EFCAB7: variants seen among roughly 807,000 people sequenced by gnomAD.
EFCAB7 encodes the protein EF-hand calcium-binding domain-containing protein 7.
In EFCAB7, 66 loss-of-function variants were observed where a neutral mutation model predicts 77.1. That is an observed-to-expected ratio of 0.86 (90% CI 0.70 to 1.05). The LOEUF (loss-of-function observed/expected upper bound fraction) is 1.05. Among genes scored for constraint, EFCAB7 ranks in the 50% least tolerant of loss-of-function variants. The pLI is 0.00. For missense variants in EFCAB7, 638 were observed against 730.5 expected (o/e 0.87, Z 1.46); for synonymous variants, 225 against 243.3 (o/e 0.92, Z 0.70).
chr1:63,563,735 GT>G (rs1488159746), intron 11 of EFCAB7, among the ~76,000 whole-genome samples: 1 of 151,918 alleles, frequency 6.6e-6, no homozygotes, highest in Non-Finnish European at 1.5e-5. Context: ...TTTCTTTATT[GT>G]TTCTTATTAA....
intron 6 of EFCAB7, among the ~76,000 whole-genome samples, chr1:63,542,319 A>G (rs1646838460): frequency 1.3e-5 from 2 of 152,180 alleles, no homozygotes; most frequent in African/African-American, 4.8e-5. Flanking sequence ...ATTCCCTTGT[A>G]TGTATTTACC....
chr1:63,544,964 G>C (rs1280128849), intron 6 of EFCAB7, among the ~76,000 whole-genome samples: 1 of 148,164 alleles, frequency 6.7e-6, no homozygotes, highest in East Asian at 2.0e-4. Flanking sequence ...TGTTGCCCAG[G>C]CTAGAGTGCA....
At position 63,572,565 on chromosome 1, in the gene EFCAB7, C is replaced by A. The variant is rs776401418; in HGVS notation, c.*49C>A. 4 of 1,323,644 alleles carry A rather than the reference C, an allele frequency of 3.0e-6. No homozygotes were observed. In the South Asian group the frequency reaches 4.7e-5, roughly 16 times the overall value. 82.0% of individuals were successfully genotyped at this position (1,323,644 alleles called of 1,614,324 possible). A position where few individuals can be genotyped will look rare whatever the true frequency, so the allele number is the denominator to read the frequency against. Reference sequence around the variant, plus strand: ...AACTAAGAATTATTTCAGATTTAGTCTGTTATTTATTAAACAACTAAATGC... The same window carrying A: ...AACTAAGAATTATTTCAGATTTAGTATGTTATTTATTAAACAACTAAATGC... On this transcript the variant is annotated 3_prime_UTR_variant, in exon 14 of 14. Transcript: ENST00000371088.
At chr1:63,549,172 C>T in intron 7 of EFCAB7, 2 of 296,592 alleles carry the variant, frequency 6.7e-6, no homozygotes, top group South Asian at 6.5e-5. Context: ...GGAGAACAGC[C>T]TCACTTCTTT....
At position 63,546,011 on chromosome 1, in the gene EFCAB7, C is replaced by G. The variant is rs762096166; in HGVS notation, c.900C>G (p.Ser300=). ...ACAGGATGCAAATAGCTCAGAGGTC[C>G]ATGGTTTATCTAACAATTAAGCCAT... ...HQYRMQIAQR[S]MVYLTIKPLN... The change falls in exon 7 of 14, where the codon TCC becomes TCG. Residue 300 remains serine, a synonymous_variant. Transcript: ENST00000371088. 1 of 1,613,568 alleles carries G rather than the reference C, an allele frequency of 6.2e-7. No individual in the cohort carries two copies. The highest frequency in any genetic ancestry group is 2.2e-5 in the East Asian group (1 of 44,822).
chr1:63,560,039 T>A (rs1339829490), intron 10 of EFCAB7, among the ~76,000 whole-genome samples: 2 of 152,096 alleles, frequency 1.3e-5, no homozygotes, highest in Non-Finnish European at 2.9e-5. Flanking sequence ...CACTGCAAGC[T>A]TCACCTCCCG....
At position 63,532,731 on chromosome 1, in the gene EFCAB7, C is replaced by T. The variant is rs753098176; in HGVS notation, c.461C>T (p.Ala154Val). The change falls in exon 4 of 14, where the codon GCT (alanine) becomes GTT (valine). Residue 154 changes from alanine to valine, a missense_variant. Coordinates refer to ENST00000371088, the MANE Select transcript of EFCAB7 (RefSeq NM_032437.4). ...ATAATAAATTTGGCTGATGTAAATGCTGATGGCAAATTTGACTACATCAAG... is the reference window on the plus strand; with the variant it reads ...ATAATAAATTTGGCTGATGTAAATGTTGATGGCAAATTTGACTACATCAAG... ...NAIINLADVN[A>V]DGKFDYIKFC... is the part of the protein sequence containing the mutation. 5 of 1,605,820 alleles carry T rather than the reference C, an allele frequency of 3.1e-6. No individual in the cohort carries two copies. In the Admixed American group the frequency reaches 8.6e-5, roughly 27 times the overall value.
intron 11 of EFCAB7, among the ~76,000 whole-genome samples, chr1:63,566,889 ATTTAT>A (rs1212327834): frequency 1.3e-5 from 2 of 149,212 alleles, no homozygotes; most frequent in African/African-American, 4.9e-5. Flanking sequence ...TTTTATATTT[ATTTAT>A]TTTATATTAT....
At chr1:63,558,760 T>C (rs1238413120) in intron 10 of EFCAB7, among the ~76,000 whole-genome samples, 1 of 151,830 alleles carries the variant, frequency 6.6e-6, no homozygotes, top group Non-Finnish European at 1.5e-5. Context: ...TTATTTTGTT[T>C]ATTTATTTAT....
Position 63,557,152 on chromosome 1 carries a change from A to G in EFCAB7, c.1253A>G (p.Asp418Gly), listed in dbSNP as rs763951473. The G allele has an allele frequency of 3.7e-6, 6 of 1,600,712 alleles. No individual in the cohort carries two copies. The highest frequency in any genetic ancestry group is 4.5e-5 in the East Asian group (2 of 44,640). The change falls in exon 10 of 14, where the codon GAT becomes GGT. Residue 418 changes from aspartate to glycine, a missense_variant. Coordinates refer to ENST00000371088, the MANE Select transcript of EFCAB7 (RefSeq NM_032437.4). ...GATATATTTGAAGTAATTGATTTAGATGGAAATGGTCTTCTTAGCCTTGAA... is the reference window on the plus strand; with the variant it reads ...GATATATTTGAAGTAATTGATTTAGGTGGAAATGGTCTTCTTAGCCTTGAA... ...LSDIFEVIDL[D>G]GNGLLSLEEY... is the part of the protein sequence containing the mutation.
rs761500721 is a variant in EFCAB7, at chr1:63,562,345, TATC to T, written c.1497+494_1497+496del. Among the ~76,000 whole-genome samples, 8 of 150,544 alleles carry T rather than the reference TATC, an allele frequency of 5.3e-5. No individual in the cohort carries two copies. The East Asian group carries it at 7.8e-4, about 15-fold the overall frequency. On this transcript the variant is annotated intron_variant, in intron 11 of 13. Coordinates refer to ENST00000371088, the MANE Select transcript of EFCAB7 (RefSeq NM_032437.4). Reference sequence around the variant, plus strand: ...AAAGCATTGTGTATGTATCAGCTATTATCATCATTATTATCATTAACATGATAG... The same window carrying T: ...AAAGCATTGTGTATGTATCAGCTATTATCATTATTATCATTAACATGATAG...
chr1:63,545,116 A>C (rs1232796362), intron 6 of EFCAB7, among the ~76,000 whole-genome samples: 3 of 151,392 alleles, frequency 2.0e-5, no homozygotes, highest in Non-Finnish European at 2.9e-5. Flanking sequence ...ACAGGGTTTC[A>C]CCATGTTGGC....
intron 6 of EFCAB7, 88 bp from the exon 7 acceptor site, chr1:63,545,828 T>A (rs1646891167): frequency 9.2e-7 from 1 of 1,081,850 alleles, no homozygotes; most frequent in Non-Finnish European, 1.4e-6. Flanking sequence ...ACATTTCTTT[T>A]ATATCCCCCT....
chr1:63,570,969 T>G, intron 12 of EFCAB7, 52 bp from the exon 13 acceptor site: 1 of 1,308,984 alleles, frequency 7.6e-7, no homozygotes, highest in Non-Finnish European at 1.1e-6. Flanking sequence ...CTTATATTTG[T>G]CTGTAATTAT....
At chr1:63,547,275 C>T (rs1646909984) in intron 7 of EFCAB7, 1 of 151,950 alleles carries the variant, frequency 6.6e-6, no homozygotes, top group Admixed American at 6.6e-5. Context: ...TTATCGAGGG[C>T]CTTATATACC....
downstream of EFCAB7, among the ~76,000 whole-genome samples, chr1:63,575,707 C>A (rs1180046562): frequency 6.6e-6 from 1 of 152,070 alleles, no homozygotes; most frequent in African/African-American, 2.4e-5. Context: ...TCTCAGCCTT[C>A]CGAGTAGCTG....
intron 6 of EFCAB7, among the ~76,000 whole-genome samples, chr1:63,543,784 G>T (rs1352019137): frequency 6.6e-6 from 1 of 151,916 alleles, no homozygotes; most frequent in Non-Finnish European, 1.5e-5. Flanking sequence ...TTAAAGCCTT[G>T]AACTTATTAT....
At chr1:63,550,883 T>C (rs981915509) in intron 7 of EFCAB7, among the ~76,000 whole-genome samples, 3 of 152,054 alleles carry the variant, frequency 2.0e-5, no homozygotes, top group Non-Finnish European at 4.4e-5. Flanking sequence ...CCTGAGCAAC[T>C]GGAAAGACTG....
At chr1:63,542,867 TG>T (rs1223571163) in intron 6 of EFCAB7, among the ~76,000 whole-genome samples, 1 of 152,226 alleles carries the variant, frequency 6.6e-6, no homozygotes, top group African/African-American at 2.4e-5. Flanking sequence ...AATCCCTTTT[TG>T]GATATGTGAT....
Sources: gnomAD v4.1 joint callset for allele counts (sites outside exome capture counted in the v4.1 genomes callset) on GRCh38, gnomAD v4.1.1 for gene constraint, MANE v1.5 for transcripts, NCBI Gene and HGNC (gene_info 2026-07-23, HGNC 2026-07-21) for gene names.